Variants in GRK5 observed in about 807,000 individuals in gnomAD.
GRK5 encodes the protein G protein-coupled receptor kinase 5, also known as g protein-coupled receptor kinase GRK5.
GRK5 carries 40 observed loss-of-function variants against 78.4 expected under a neutral mutation model. That is an observed-to-expected ratio of 0.51 (90% CI 0.40 to 0.66). The LOEUF (loss-of-function observed/expected upper bound fraction) is 0.66, where lower values mean the gene tolerates loss of function less well. Among genes scored for constraint, GRK5 ranks in the 30% least tolerant of loss-of-function variants. The probability of loss-of-function intolerance (pLI) is 0.00; values close to 1 mark genes in which losing one functional copy is unlikely to be tolerated. For missense variants in GRK5, 598 were observed against 759.9 expected (o/e 0.79, Z 2.50); for synonymous variants, 289 against 296.8 (o/e 0.97, Z 0.27).
chr10:119,416,235 A>G (rs1379024009), intron 4 of GRK5, among the ~76,000 whole-genome samples: 2 of 152,238 alleles, frequency 1.3e-5, no homozygotes, highest in South Asian at 4.1e-4. Flanking sequence ...CTGATGCAGG[A>G]AATGATGTCC....
intron 1 of GRK5, among the ~76,000 whole-genome samples, chr10:119,324,853 A>G: frequency 6.6e-6 from 1 of 152,158 alleles, no homozygotes; most frequent in East Asian, 1.9e-4. Context: ...GGATTAAACA[A>G]GATAATGTAC....
rs568786331 is a variant in GRK5 at position 119,433,946 on chromosome 10, T to C, written c.738+2419T>C. On this transcript the variant is annotated intron_variant, in intron 8 of 15. Coordinates refer to ENST00000392870, the MANE Select transcript of GRK5 (RefSeq NM_005308.3). ...AGAAAGAGGTTTGATGGACTTATGG[T>C]TCCATGTGGCTGGGGAGGCCTCACA... Among the ~76,000 whole-genome samples the C allele has an allele frequency of 5.9e-5, 9 of 152,344 alleles. No homozygotes were observed. The South Asian group carries it at 1.9e-3, about 32-fold the overall frequency.
intron 1 of GRK5, among the ~76,000 whole-genome samples, chr10:119,323,334 A>C (rs11198878): frequency 0.038 from 5,849 of 152,318 alleles, 226 homozygotes; most frequent in East Asian, 0.21. Context: ...ATATGCAAAA[A>C]ATGGTGCTTC....
At chr10:119,370,894 TAAATA>T (rs146301216) in intron 2 of GRK5, among the ~76,000 whole-genome samples, 3,709 of 151,422 alleles carry the variant, frequency 0.024, 138 homozygotes, top group East Asian at 0.15. Context: ...AAAATGAAGT[TAAATA>T]AAATAAAATA....
intron 2 of GRK5, among the ~76,000 whole-genome samples, chr10:119,350,566 A>G (rs17098758): frequency 0.021 from 3,221 of 152,314 alleles, 135 homozygotes; most frequent in East Asian, 0.13. Flanking sequence ...CCCGATGGAA[A>G]CATTTCACAA....
chr10:119,405,779 A>G (rs1250856345), intron 4 of GRK5, among the ~76,000 whole-genome samples: 1 of 152,208 alleles, frequency 6.6e-6, no homozygotes, highest in Non-Finnish European at 1.5e-5. Flanking sequence ...GCTTGTGGCC[A>G]TCAGTCATTC....
chr10:119,406,639 G>A (rs75669992), intron 4 of GRK5, among the ~76,000 whole-genome samples: 2,109 of 152,326 alleles, frequency 0.014, 53 homozygotes, highest in African/African-American at 0.048. Context: ...ACCTTCACTT[G>A]AGCAGAGGGT....
chr10:119,292,284 T>A (rs1252105087), intron 1 of GRK5, among the ~76,000 whole-genome samples: 1 of 137,074 alleles, frequency 7.3e-6, no homozygotes, highest in Non-Finnish European at 1.6e-5. Context: ...TCTCCTCCTC[T>A]TCCTCTTTCT....
intron 5 of GRK5, 104 bp from the exon 6 acceptor site, chr10:119,424,889 G>A: frequency 1.3e-6 from 1 of 794,772 alleles, no homozygotes; most frequent in South Asian, 1.4e-5. Context: ...TGCATGGGTT[G>A]AGAGGCCCTG....
intron 1 of GRK5, among the ~76,000 whole-genome samples, chr10:119,285,707 C>T (rs564522368): frequency 8.5e-5 from 13 of 152,198 alleles, no homozygotes; most frequent in African/African-American, 3.1e-4. Flanking sequence ...GTAAAAGGAG[C>T]GGTGGCAGGC....
chr10:119,448,211 A>G lies in GRK5; in HGVS notation c.1355A>G (p.Asn452Ser). 1 of 1,596,930 alleles carries G rather than the reference A, an allele frequency of 6.3e-7. No homozygotes were observed. The highest frequency in any genetic ancestry group is 8.5e-7 in the Non-Finnish European group (1 of 1,172,822). The change falls in exon 13 of 16, where the codon AAC becomes AGC. Residue 452 changes from asparagine (N) to serine (S), a missense_variant. Asn to Ser is a conservative substitution (Grantham distance 46). Transcript: ENST00000392870. ...VKRHPFFRNMNFKRLEAGMLD... is the reference protein window; with the variant it reads ...VKRHPFFRNMSFKRLEAGMLD... ...AGACACCCCTTCTTCAGGAACATGA[A>G]CTTCAAGCGCTTAGAAGCCGGGATG...
Position 119,445,484 on chromosome 10 carries a change from C to T in GRK5, c.1266+1732C>T, listed in dbSNP as rs184873583. 7.9e-5 allele frequency among the ~76,000 whole-genome samples: 12 copies of T among 152,280 alleles called. No individual in the cohort carries two copies. Among genetic ancestry groups the T allele is most frequent in the African/African-American group, 2.9e-4 (12 of 41,558 alleles). Reference sequence around the variant, plus strand: ...CTGGCTTTGGAGCTGGGATCTCCTGCTGCAGCCTGGACCAGGGTGCTGCTG... The same window carrying T: ...CTGGCTTTGGAGCTGGGATCTCCTGTTGCAGCCTGGACCAGGGTGCTGCTG... On this transcript the variant is annotated intron_variant, in intron 12 of 15. Coordinates refer to ENST00000392870, the MANE Select transcript of GRK5 (RefSeq NM_005308.3). This position sits in a 1 kb window ranked among gnomAD's most constrained non-coding sequence, Gnocchi z 4.1.
intron 1 of GRK5, among the ~76,000 whole-genome samples, chr10:119,303,695 G>C (rs1010151444): frequency 6.7e-6 from 1 of 150,186 alleles, no homozygotes. Flanking sequence ...AAAGGGGCAA[G>C]AACGGAGGTG....
intron 4 of GRK5, among the ~76,000 whole-genome samples, chr10:119,411,648 G>T (rs1261655625): frequency 6.6e-6 from 1 of 152,012 alleles, no homozygotes; most frequent in Non-Finnish European, 1.5e-5. Context: ...ATTACTGAGG[G>T]CTTGGAGATT....
chr10:119,270,420 C>T (rs1849566470), intron 1 of GRK5, among the ~76,000 whole-genome samples: 1 of 152,226 alleles, frequency 6.6e-6, no homozygotes, highest in South Asian at 2.1e-4. Flanking sequence ...ATACACATAG[C>T]ACTTACATTG....
chr10:119,453,194 G>A lies in GRK5; in HGVS notation c.1592G>A (p.Gly531Asp), dbSNP rs761541959. ...FKELNVFGPN[G>D]TLPPDLNRNH... ...GAGCTGAACGTGTTTGGACCTAATG[G>A]TACCCTCCCGCCAGATCTGAACAGA... is the stretch of plus-strand genomic sequence containing the variant. The change falls in exon 15 of 16, where the codon GGT becomes GAT. Residue 531 changes from glycine (G) to aspartate (D), a missense_variant. Physicochemically the swap from Gly to Asp is moderately conservative, Grantham distance 94. Coordinates refer to ENST00000392870, the MANE Select transcript of GRK5 (RefSeq NM_005308.3). 17 of 1,595,660 alleles carry A rather than the reference G, an allele frequency of 1.1e-5. No homozygotes were observed. The East Asian group carries it at 3.8e-4, about 36-fold the overall frequency.
chr10:119,229,526 A>G (rs1028051757), intron 1 of GRK5, among the ~76,000 whole-genome samples: 4 of 152,168 alleles, frequency 2.6e-5, no homozygotes, highest in African/African-American at 4.8e-5. Flanking sequence ...ATCCGAGTCA[A>G]TTGAACTGAC....
At chr10:119,248,337 A>G (rs1212459897) in intron 1 of GRK5, among the ~76,000 whole-genome samples, 1 of 152,156 alleles carries the variant, frequency 6.6e-6, no homozygotes, top group Non-Finnish European at 1.5e-5. Flanking sequence ...TGATCCATAA[A>G]AAGAGGGTCA....
intron 2 of GRK5, among the ~76,000 whole-genome samples, chr10:119,334,174 C>T (rs985540617): frequency 2.2e-4 from 34 of 152,280 alleles, no homozygotes; most frequent in African/African-American, 7.9e-4. Context: ...GCTGCAGCGG[C>T]GCAAGCCTGG....
Sources: gnomAD v4.1 joint callset for allele counts (sites outside exome capture counted in the v4.1 genomes callset) on GRCh38, gnomAD v4.1.1 for gene constraint, Gnocchi (gnomAD v3.1) non-coding constraint, MANE v1.5 for transcripts, NCBI Gene and HGNC (gene_info 2026-07-23, HGNC 2026-07-21) for gene names.